The following CLIP1 variants were observed in gnomAD, a reference collection of about 807,000 sequenced individuals.
CLIP1 encodes the protein CAP-Gly domain-containing linker protein 1.
In CLIP1, 66 loss-of-function variants were observed where a neutral mutation model predicts 161.6. The ratio of observed to expected loss-of-function variants is 0.41; its 90% confidence interval spans 0.33 to 0.50. The LOEUF is 0.50. Among genes scored for constraint, CLIP1 ranks in the 20% least tolerant of loss-of-function variants. The probability of loss-of-function intolerance (pLI) is 0.27; values close to 1 mark genes in which losing one functional copy is unlikely to be tolerated. For synonymous variants in CLIP1, 598 were observed against 626.2 expected, an observed-to-expected ratio of 0.96 and a Z score of 0.67; for missense variants, 1,376 against 1,702.0, an observed-to-expected ratio of 0.81 and a Z score of 3.37.
At chr12:122,316,419 A>G (rs1225949347) in intron 19 of CLIP1, among the ~76,000 whole-genome samples, 1 of 152,108 alleles carries the variant, frequency 6.6e-6, no homozygotes, top group Non-Finnish European at 1.5e-5. Flanking sequence ...TGTGTTGCCC[A>G]GGCTGGTCTC....
At chr12:122,358,877 A>G (rs1329238424) in intron 5 of CLIP1, among the ~76,000 whole-genome samples, 2 of 152,150 alleles carry the variant, frequency 1.3e-5, no homozygotes, top group African/African-American at 2.4e-5. Flanking sequence ...CCTGGCCAAC[A>G]TGGTGAAACC....
chr12:122,376,705 C>G (rs1954752567), intron 3 of CLIP1, among the ~76,000 whole-genome samples: 1 of 150,186 alleles, frequency 6.7e-6, no homozygotes, highest in Non-Finnish European at 1.5e-5. Context: ...CTCCTGACCT[C>G]GTGATCCACC....
At chr12:122,397,814 G>A (rs1237951540) in intron 1 of CLIP1, among the ~76,000 whole-genome samples, 4 of 151,660 alleles carry the variant, frequency 2.6e-5, no homozygotes, top group Non-Finnish European at 4.4e-5. Flanking sequence ...AATTAGTCGA[G>A]AGTGGAGGCG....
intron 1 of CLIP1, among the ~76,000 whole-genome samples, chr12:122,398,441 T>A (rs1022710798): frequency 6.7e-6 from 1 of 149,298 alleles, no homozygotes; most frequent in Non-Finnish European, 1.5e-5. Context: ...AAAAAAAAAA[T>A]TAATTTTAAG....
At chr12:122,377,262 C>T (rs1465780071) in intron 3 of CLIP1, 127 bp downstream of exon 3, 3 of 801,224 alleles carry the variant, frequency 3.7e-6, no homozygotes, top group Non-Finnish European at 6.0e-6. Flanking sequence ...CCCGCCTCAG[C>T]CTCCCAAAGT....
intron 3 of CLIP1, among the ~76,000 whole-genome samples, chr12:122,366,360 C>T (rs1376582308): frequency 6.6e-6 from 1 of 150,722 alleles, no homozygotes; most frequent in Non-Finnish European, 1.5e-5. Flanking sequence ...GAAGTTCACA[C>T]CTATAATCCC....
At chr12:122,418,921 A>C (rs11058062) in intron 1 of CLIP1, among the ~76,000 whole-genome samples, 15,057 of 152,238 alleles carry the variant, frequency 0.099, 1,250 homozygotes, top group East Asian at 0.45. Flanking sequence ...TACAAAGTGA[A>C]AGTCTCGATT....
At chr12:122,302,249 C>T (rs544351859) in intron 20 of CLIP1, among the ~76,000 whole-genome samples, 43 of 152,078 alleles carry the variant, frequency 2.8e-4, no homozygotes, top group African/African-American at 6.3e-4. Context: ...TACAGGCATG[C>T]GCCACCATGC....
chr12:122,308,886 T>TG (rs2136497778), intron 20 of CLIP1, among the ~76,000 whole-genome samples: 1 of 152,338 alleles, frequency 6.6e-6, no homozygotes, highest in South Asian at 2.1e-4. Flanking sequence ...CAATGGGTAC[T>TG]CAGTACAACT....
chr12:122,328,206 T>C, intron 16 of CLIP1, 44 bp from the exon 17 acceptor site: 2 of 1,613,416 alleles, frequency 1.2e-6, no homozygotes, highest in Non-Finnish European at 1.7e-6. Context: ...TGCCCATGCG[T>C]GTACTATCCC....
chr12:122,417,669 A>C (rs1230080793), intron 1 of CLIP1, among the ~76,000 whole-genome samples: 2 of 151,622 alleles, frequency 1.3e-5, no homozygotes, highest in Non-Finnish European at 2.9e-5. Flanking sequence ...CCCGCCACCA[A>C]GCCTGGCTAA....
chr12:122,357,032 G>A (rs975404779), intron 5 of CLIP1, among the ~76,000 whole-genome samples: 13 of 152,152 alleles, frequency 8.5e-5, no homozygotes, highest in Non-Finnish European at 1.6e-4. Flanking sequence ...CCAAAGTGCC[G>A]AGACTGCAGC....
chr12:122,274,195 C>A lies in CLIP1; in HGVS notation c.3967-33G>T, dbSNP rs1383392384. On this transcript the variant is annotated intron_variant, in intron 24 of 25. Coordinates refer to ENST00000620786, the MANE Select transcript of CLIP1 (RefSeq NM_001247997.2). ...GTTAAAAAAAAAATGTGTAAAATGT[C>A]AAGAATATATATAAGCTGGAGCATC... 2.6e-6 allele frequency: 4 copies of A among 1,543,382 alleles called. No homozygotes were observed. The African/African-American group carries it at 5.5e-5, about 21-fold the overall frequency.
chr12:122,354,313 T>G (rs1456572923), intron 7 of CLIP1, 140 bp downstream of exon 7: 1 of 538,644 alleles, frequency 1.9e-6, no homozygotes, highest in East Asian at 3.7e-5. Flanking sequence ...GAGAATTGCT[T>G]GAACCTGGGA....
At chr12:122,276,439 C>A in intron 24 of CLIP1, 1 of 1,281,610 alleles carries the variant, frequency 7.8e-7, no homozygotes, top group Non-Finnish European at 1.0e-6. Context: ...TGAAACGAAC[C>A]ATTTGCTGAT....
intron 1 of CLIP1, among the ~76,000 whole-genome samples, chr12:122,421,932 C>G: frequency 6.6e-6 from 1 of 152,250 alleles, no homozygotes; most frequent in Non-Finnish European, 1.5e-5. Context: ...CGAGAGCGAT[C>G]TGGCCACCTC....
At chr12:122,397,625 C>T (rs966244196) in intron 1 of CLIP1, among the ~76,000 whole-genome samples, 1 of 148,450 alleles carries the variant, frequency 6.7e-6, no homozygotes, top group African/African-American at 2.5e-5. Flanking sequence ...CCCATTTTCC[C>T]ATCAGTAAAT....
At chr12:122,408,693 C>T (rs990998073) in intron 1 of CLIP1, among the ~76,000 whole-genome samples, 4 of 151,782 alleles carry the variant, frequency 2.6e-5, no homozygotes, top group Non-Finnish European at 5.9e-5. Flanking sequence ...GTCTTGAACT[C>T]CTGGGCTCAA....
In CLIP1 at chr12:122,358,004, A is replaced by G. The variant is rs572785238; in HGVS notation, c.1006-2692T>C. Among the ~76,000 whole-genome samples, 95 of 152,270 alleles carry G rather than the reference A, an allele frequency of 6.2e-4. No homozygotes were observed. The Middle Eastern group carries it at 0.01, about 16-fold the overall frequency. ...GGTTTTGTGGAATAGAAAGGGGGGA[A>G]AGGTGGGGAAAAGATTGAGAAATCG... On this transcript the variant is annotated intron_variant, in intron 5 of 25. Coordinates refer to ENST00000620786, the MANE Select transcript of CLIP1 (RefSeq NM_001247997.2).
Sources: gnomAD v4.1 joint callset for allele counts (sites outside exome capture counted in the v4.1 genomes callset) on GRCh38, gnomAD v4.1.1 for gene constraint, MANE v1.5 for transcripts, NCBI Gene and HGNC (gene_info 2026-07-23, HGNC 2026-07-21) for gene names.